The following CNBD1 variants were observed in gnomAD, a reference collection of about 807,000 sequenced individuals.
CNBD1 encodes the protein cyclic nucleotide-binding domain-containing protein 1.
A neutral mutation model predicts 54.4 loss-of-function variants in CNBD1; 71 were observed. That is an observed-to-expected ratio of 1.30 (90% CI 1.08 to 1.59). CNBD1 has a LOEUF of 1.59. CNBD1 is among the 40% of genes most tolerant of loss of function. The pLI is 0.00. For synonymous variants in CNBD1, 182 were observed against 170.7 expected (o/e 1.07, Z -0.51); for missense variants, 659 against 518.0 (o/e 1.27, Z -2.64).
intron 4 of CNBD1, among the ~76,000 whole-genome samples, chr8:86,979,420 AAAAAAAAAG>A (rs1390754933): frequency 3.4e-5 from 5 of 145,796 alleles, no homozygotes; most frequent in East Asian, 2.0e-4. Flanking sequence ...AAAAAAAAAA[AAAAAAAAAG>A]GCAAAAACAA....
chr8:87,042,315 T>C (rs2949556), intron 4 of CNBD1, among the ~76,000 whole-genome samples: 2,200 of 152,278 alleles, frequency 0.014, 14 homozygotes, highest in Non-Finnish European at 0.022. Flanking sequence ...GAGGCAAAGA[T>C]ACAAATGAGC....
chr8:87,375,317 G>A (rs1441850802), intron 10 of CNBD1, among the ~76,000 whole-genome samples: 1 of 151,868 alleles, frequency 6.6e-6, no homozygotes, highest in Non-Finnish European at 1.5e-5. Flanking sequence ...TGTGCTGTCT[G>A]TTAACACAGA....
chr8:87,177,869 T>C (rs184083471), intron 4 of CNBD1, among the ~76,000 whole-genome samples: 50 of 152,294 alleles, frequency 3.3e-4, no homozygotes, highest in African/African-American at 1.2e-3. Context: ...AGAAGAAAGC[T>C]ATGAGGAGAA....
At chr8:87,323,724 G>C (rs1316049267) in intron 8 of CNBD1, among the ~76,000 whole-genome samples, 4 of 132,074 alleles carry the variant, frequency 3.0e-5, no homozygotes, top group African/African-American at 8.4e-5. Context: ...GGGTTTTCTA[G>C]ATAAACAATC....
At chr8:87,389,525 C>A (rs2130967689) in intron 2 of CNBD1, among the ~76,000 whole-genome samples, 1 of 152,142 alleles carries the variant, frequency 6.6e-6, no homozygotes, top group South Asian at 2.1e-4. Flanking sequence ...AATAAAATAT[C>A]CAGGAATCCA....
chr8:86,994,420 G>A (rs1808824251), intron 4 of CNBD1, among the ~76,000 whole-genome samples: 1 of 152,204 alleles, frequency 6.6e-6, no homozygotes, highest in South Asian at 2.1e-4. Flanking sequence ...CTCCTGGCCA[G>A]GTGGACAGCT....
chr8:87,154,875 A>T (rs1324516872), intron 4 of CNBD1, among the ~76,000 whole-genome samples: 1 of 152,222 alleles, frequency 6.6e-6, no homozygotes, highest in African/African-American at 2.4e-5. Flanking sequence ...TACTCCATTG[A>T]TGTGGCACAT....
intron 4 of CNBD1, among the ~76,000 whole-genome samples, chr8:87,155,401 T>C (rs531569602): frequency 3.9e-5 from 6 of 152,222 alleles, no homozygotes; most frequent in African/African-American, 1.4e-4. Context: ...GAGGAATAAA[T>C]AGAGTCTGAG....
At chr8:87,383,081 C>T (rs9297314), downstream of CNBD1, among the ~76,000 whole-genome samples, 86,057 of 151,784 alleles carry the variant, frequency 0.57, 25,920 homozygotes, top group African/African-American at 0.77. Context: ...GGCAAAAAGA[C>T]ATTGAATAGC....
intron 6 of CNBD1, among the ~76,000 whole-genome samples, chr8:87,272,357 A>G (rs1178519624): frequency 6.6e-6 from 1 of 152,072 alleles, no homozygotes; most frequent in Non-Finnish European, 1.5e-5. Flanking sequence ...TCTAATATGT[A>G]TCAATAAATA....
chr8:87,421,561 T>A (rs1475754549), intron 2 of CNBD1, among the ~76,000 whole-genome samples: 1 of 151,924 alleles, frequency 6.6e-6, no homozygotes, highest in Non-Finnish European at 1.5e-5. Flanking sequence ...TTACTGAGAA[T>A]GATGATTTCC....
intron 6 of CNBD1, among the ~76,000 whole-genome samples, chr8:87,273,400 C>G (rs1427661384): frequency 6.6e-6 from 1 of 151,866 alleles, no homozygotes. Flanking sequence ...CCAAATCTAC[C>G]TGAACAGAAA....
intron 4 of CNBD1, among the ~76,000 whole-genome samples, chr8:87,046,344 C>G (rs1810190320): frequency 6.6e-6 from 1 of 152,188 alleles, no homozygotes; most frequent in African/African-American, 2.4e-5. Flanking sequence ...AGTCCTCTCT[C>G]TCAGTTAGAT....
rs141206439 is a variant in CNBD1 at position 87,402,753 on chromosome 8, G to T, written c.214-25793G>T. On this transcript the variant is annotated intron_variant, in intron 2 of 7. Coordinates refer to the CNBD1 transcript ENST00000521593. ...TCCAGTGCCATTAAAGTGTTTTAGGGAAGTGAAATGGAAAGACTGGTACTC... is the reference window on the plus strand; with the variant it reads ...TCCAGTGCCATTAAAGTGTTTTAGGTAAGTGAAATGGAAAGACTGGTACTC... 6.6e-5 allele frequency among the ~76,000 whole-genome samples: 10 copies of T among 152,192 alleles called. No homozygotes were observed. In the East Asian group the frequency reaches 1.9e-3, roughly 29 times the overall value.
At chr8:87,331,086 A>C (rs549740230) in intron 8 of CNBD1, among the ~76,000 whole-genome samples, 32 of 152,256 alleles carry the variant, frequency 2.1e-4, no homozygotes, top group African/African-American at 7.7e-4. Flanking sequence ...TCGAGGATAC[A>C]TGTGCAGAAC....
intron 4 of CNBD1, among the ~76,000 whole-genome samples, chr8:86,957,375 T>A (rs557491699): frequency 6.6e-6 from 1 of 152,316 alleles, no homozygotes; most frequent in Non-Finnish European, 1.5e-5. Flanking sequence ...CCTCTTTTTC[T>A]ATTGATTGGA....
intron 6 of CNBD1, among the ~76,000 whole-genome samples, chr8:87,262,930 G>T (rs943497944): frequency 2.6e-5 from 4 of 152,098 alleles, no homozygotes; most frequent in Admixed American, 2.0e-4. Context: ...GGAATGGGTA[G>T]AAATGCATCT....
At chr8:87,119,558 T>G (rs186528689) in intron 4 of CNBD1, among the ~76,000 whole-genome samples, 1 of 152,246 alleles carries the variant, frequency 6.6e-6, no homozygotes. Context: ...TTCTCCAAAT[T>G]GCATGCCTTT....
intron 5 of CNBD1, among the ~76,000 whole-genome samples, chr8:87,218,131 C>T (rs1814252929): frequency 6.6e-6 from 1 of 152,042 alleles, no homozygotes; most frequent in African/African-American, 2.4e-5. Flanking sequence ...TATCCCAAAG[C>T]TATTTGTTCC....
Sources: gnomAD v4.1 joint callset for allele counts (sites outside exome capture counted in the v4.1 genomes callset) on GRCh38, gnomAD v4.1.1 for gene constraint, MANE v1.5 for transcripts, NCBI Gene and HGNC (gene_info 2026-07-23, HGNC 2026-07-21) for gene names.